OOSP2: variants seen among roughly 807,000 people sequenced by gnomAD.
The protein encoded by OOSP2 is oocyte-secreted protein 2.
A neutral mutation model predicts 13.4 loss-of-function variants in OOSP2; 7 were observed. The observed-to-expected ratio is 0.52, with a 90% CI of 0.30 to 0.98. The LOEUF (loss-of-function observed/expected upper bound fraction) is 0.98, where lower values mean the gene tolerates loss of function less well. Among genes scored for constraint, OOSP2 ranks in the 50% least tolerant of loss-of-function variants. The pLI, the probability that OOSP2 is intolerant of heterozygous loss-of-function variation, is 0.07. For synonymous variants in OOSP2, 75 were observed against 67.2 expected (o/e 1.12, Z -0.57); for missense variants, 184 against 188.5 (o/e 0.98, Z 0.14).
At position 60,040,488 on chromosome 11, in the gene OOSP2, C is replaced by A; in HGVS notation, c.29C>A (p.Ala10Asp). Residue 10 changes from alanine to aspartate, a missense_variant, in exon 1 of 4, where the codon GCT (alanine) becomes GAT (aspartate). Physicochemically the swap from Ala to Asp is moderately radical, Grantham distance 126 (BLOSUM62 -2). Coordinates refer to ENST00000278855, the MANE Select transcript of OOSP2 (RefSeq NM_173801.5). Reference protein sequence around the residue: MALEVLMLLAVLIWTGAENL... With the variant: MALEVLMLLDVLIWTGAENL... ...GCGTTAGAAGTCTTGATGCTCCTCG[C>A]TGTCTTGATTTGGACCGGTGCTGAG... The A allele has an allele frequency of 6.2e-7, 1 of 1,604,474 alleles. No individual in the cohort carries two copies. The highest frequency in any genetic ancestry group is 8.5e-7 in the Non-Finnish European group (1 of 1,171,170).
intron 1 of OOSP2, among the ~76,000 whole-genome samples, chr11:60,041,469 G>A (rs1307001963): frequency 6.6e-6 from 1 of 152,170 alleles, no homozygotes; most frequent in Non-Finnish European, 1.5e-5. Flanking sequence ...CAGGAAGCCT[G>A]AGCAAAGGAA....
intron 3 of OOSP2, chr11:60,046,632 T>G: frequency 2.0e-6 from 1 of 489,380 alleles, no homozygotes; most frequent in South Asian, 1.6e-5. Context: ...TCCATTTGGC[T>G]GAGTCTGTTT....
rs774762132 is a variant in OOSP2 at position 60,040,518 on chromosome 11, T to C, written c.59T>C (p.Leu20Pro). Reference protein sequence around the residue: ...AVLIWTGAENLHVKISCSLDW... With the variant: ...AVLIWTGAENPHVKISCSLDW... ...TTGATTTGGACCGGTGCTGAGAACCTCCATGGTAAATAACAAGTTTTAGAG... is the reference window on the plus strand; with the variant it reads ...TTGATTTGGACCGGTGCTGAGAACCCCCATGGTAAATAACAAGTTTTAGAG... The change falls in exon 1 of 4, where the codon CTC (leucine) becomes CCC (proline). Residue 20 changes from leucine to proline, a missense_variant. Transcript: ENST00000278855. 69 of 1,566,370 alleles carry C rather than the reference T, an allele frequency of 4.4e-5. 2 individuals carry two copies. In the South Asian group the frequency reaches 7.6e-4, roughly 17 times the overall value.
intron 3 of OOSP2, among the ~76,000 whole-genome samples, chr11:60,046,194 T>C (rs1855006423): frequency 1.4e-5 from 2 of 140,698 alleles, no homozygotes; most frequent in Admixed American, 7.9e-5. Flanking sequence ...GGTTTCTCTG[T>C]CTCTCTCTCT....
At chr11:60,046,654 T>C (rs1000803433) in intron 3 of OOSP2, 8 of 516,236 alleles carry the variant, frequency 1.5e-5, no homozygotes, top group Non-Finnish European at 3.0e-5. Flanking sequence ...GCTGGGTACA[T>C]TGGTACTCTT....
At position 60,043,656 on chromosome 11, in the gene OOSP2, A is replaced by C; in HGVS notation, c.243+9A>C. 6.8e-7 allele frequency: 1 copy of C among 1,475,812 alleles called. No individual in the cohort carries two copies. The highest frequency in any genetic ancestry group is 1.4e-5 in the African/African-American group (1 of 72,696). The allele number at this position is 1,475,812 out of a possible 1,614,324, so 91.4% of individuals were successfully genotyped here. Reference sequence around the variant, plus strand: ...GTGGCATCAGGACAAGGGTAAGAACAGTGATTGTTTGTAAAAAATACTGCA... The same window carrying C: ...GTGGCATCAGGACAAGGGTAAGAACCGTGATTGTTTGTAAAAAATACTGCA... On this transcript the variant is annotated intron_variant, in intron 2 of 3. Transcript: ENST00000278855.
rs1162563293 is a variant in OOSP2 at position 60,043,511 on chromosome 11, T to C, written c.107T>C (p.Ile36Thr). Residue 36 changes from isoleucine (I) to threonine (T), a missense_variant, in exon 2 of 4, where the codon ATC becomes ACC. Ile to Thr is a moderately conservative substitution (Grantham distance 89). Transcript: ENST00000278855. ...CTGGACTGGTTGATGGTCTCAGTTATCCCAGTTGCAGAAAGCAGAAATCTG... is the reference window on the plus strand; with the variant it reads ...CTGGACTGGTTGATGGTCTCAGTTACCCCAGTTGCAGAAAGCAGAAATCTG... ...CSLDWLMVSV[I>T]PVAESRNLYI... 1.2e-6 allele frequency: 2 copies of C among 1,613,556 alleles called. No individual in the cohort carries two copies. The highest frequency in any genetic ancestry group is 1.7e-5 in the Admixed American group (1 of 60,026).
chr11:60,044,647 C>A, intron 2 of OOSP2, 24 bp from the exon 3 acceptor site: 2 of 1,035,138 alleles, frequency 1.9e-6, no homozygotes, highest in Non-Finnish European at 3.0e-6. Context: ...AAATATCTTC[C>A]ACTGAAACTT....
chr11:60,046,153 GTC>G (rs1372696676), intron 3 of OOSP2, among the ~76,000 whole-genome samples: 2 of 144,050 alleles, frequency 1.4e-5, no homozygotes, highest in African/African-American at 5.7e-5. Flanking sequence ...TGTCTCTCTG[GTC>G]TCTCTGTCTC....
At chr11:60,043,098 G>T (rs1854958835) in intron 1 of OOSP2, among the ~76,000 whole-genome samples, 1 of 151,984 alleles carries the variant, frequency 6.6e-6, no homozygotes, top group Admixed American at 6.6e-5. Flanking sequence ...TAGAGACGGG[G>T]TTTCACTGTG....
At chr11:60,045,830 TTTAAC>T (rs1482591392) in intron 3 of OOSP2, among the ~76,000 whole-genome samples, 1 of 152,180 alleles carries the variant, frequency 6.6e-6, no homozygotes, top group Non-Finnish European at 1.5e-5. Flanking sequence ...TACTCTTCCC[TTTAAC>T]TTATTTTCAT....
chr11:60,043,442 A>T, intron 1 of OOSP2, 27 bp from the exon 2 acceptor site: 1 of 1,536,480 alleles, frequency 6.5e-7, no homozygotes. Context: ...CACCCTTCTG[A>T]TGCTTTTCAT....
Position 60,047,991 on chromosome 11 carries a change from A to T in OOSP2, c.*918A>T, listed in dbSNP as rs931267841. On this transcript the variant is annotated 3_prime_UTR_variant, in exon 4 of 4. Transcript: ENST00000278855. ...CCTCCTGGAAGCAAATTTTGCCAAG[A>T]TACTGTTTATTATTATTTTTAATTA... 1.2e-4 allele frequency: 19 copies of T among 152,098 alleles called. No homozygotes were observed. The highest frequency in any genetic ancestry group is 1.2e-3 in the Admixed American group (18 of 15,266). The allele number at this position is 152,098 out of a possible 1,614,324, so 9.4% of individuals were successfully genotyped here. A position where few individuals can be genotyped will look rare whatever the true frequency, so the allele number is the denominator to read the frequency against.
Position 60,046,928 on chromosome 11 carries a change from T to C in OOSP2, c.348-16T>C. ...GTGCTCCAACACTATCTGCTTTCTG[T>C]TTCCCTTTTCTTTAGGAAATCAGTG... On this transcript the variant is annotated splice_polypyrimidine_tract_variant and intron_variant, in intron 3 of 3. Transcript: ENST00000278855. 1 of 1,606,402 alleles carries C rather than the reference T, an allele frequency of 6.2e-7. No individual in the cohort carries two copies. Among genetic ancestry groups the C allele is most frequent in the Non-Finnish European group, 8.5e-7 (1 of 1,174,952 alleles).
intron 1 of OOSP2, among the ~76,000 whole-genome samples, chr11:60,040,771 T>C (rs1854920039): frequency 6.6e-6 from 1 of 152,224 alleles, no homozygotes. Context: ...AACTTGAGAC[T>C]CATTTTCAGA....
At chr11:60,045,156 A>G (rs993081115) in intron 3 of OOSP2, among the ~76,000 whole-genome samples, 1 of 152,104 alleles carries the variant, frequency 6.6e-6, no homozygotes, top group African/African-American at 2.4e-5. Flanking sequence ...GATACATTTT[A>G]TTGCTCAATT....
rs1854968848 is a variant in OOSP2 at position 60,043,614 on chromosome 11, A to G, written c.210A>G (p.Ile70Met). The change falls in exon 2 of 4, where the codon ATA becomes ATG. Residue 70 changes from isoleucine (I) to methionine (M), a missense_variant. By Grantham distance (10) the Ile-to-Met change is conservative. Coordinates refer to ENST00000278855, the MANE Select transcript of OOSP2 (RefSeq NM_173801.5). The part of the protein sequence containing the change: ...NRIHTYVYEF[I>M]YLVRDCGIRT... ...TACATACATATGTATATGAGTTTAT[A>G]TATCTTGTTCGTGATTGTGGCATCA... The G allele has an allele frequency of 6.2e-7, 1 of 1,607,842 alleles. No homozygotes were observed. Among genetic ancestry groups the G allele is most frequent in the Non-Finnish European group, 8.5e-7 (1 of 1,174,554 alleles).
At chr11:60,046,426 C>T (rs1248767610) in intron 3 of OOSP2, among the ~76,000 whole-genome samples, 1 of 148,826 alleles carries the variant, frequency 6.7e-6, no homozygotes, top group African/African-American at 2.4e-5. Flanking sequence ...TACTATGTTG[C>T]TTGAAGCCTA....
intron 1 of OOSP2, 80 bp from the exon 2 acceptor site, chr11:60,043,389 G>T: frequency 1.3e-6 from 1 of 772,566 alleles, no homozygotes; most frequent in Non-Finnish European, 2.1e-6. Context: ...ATTTATCACA[G>T]AGGGCAGAGT....
Sources: gnomAD v4.1 joint callset for allele counts (sites outside exome capture counted in the v4.1 genomes callset) on GRCh38, gnomAD v4.1.1 for gene constraint, MANE v1.5 for transcripts, NCBI Gene and HGNC (gene_info 2026-07-23, HGNC 2026-07-21) for gene names.